Variants in EGFLAM observed in about 807,000 individuals in gnomAD.
The protein encoded by EGFLAM is pikachurin.
EGFLAM carries 79 observed loss-of-function variants against 113.1 expected under a neutral mutation model. The ratio of observed to expected loss-of-function variants is 0.70; its 90% CI spans 0.58 to 0.84. EGFLAM has a LOEUF of 0.84. Ranked by LOEUF, EGFLAM falls within the 40% of genes least tolerant of loss-of-function variation. The pLI is 0.00. For missense variants in EGFLAM, 1,265 were observed against 1,291.6 expected (o/e 0.98, Z 0.32); for synonymous variants, 504 against 487.6 (o/e 1.03, Z -0.44).
chr5:38,259,561 C>T (rs181587124), intron 1 of EGFLAM, among the ~76,000 whole-genome samples: 2 of 152,306 alleles, frequency 1.3e-5, no homozygotes, highest in African/African-American at 2.4e-5. Context: ...TTTTGGTCTA[C>T]TTTGATTTGG....
In EGFLAM at chr5:38,438,336, A is replaced by G; in HGVS notation, c.2345A>G (p.Glu782Gly). The G allele has an allele frequency of 2.5e-6, 4 of 1,614,116 alleles. No homozygotes were observed. The South Asian group carries it at 3.3e-5, about 13-fold the overall frequency. The change falls in exon 17 of 22, where the codon GAG becomes GGG. Residue 782 changes from glutamate to glycine, a missense_variant. Glu to Gly is a moderately conservative substitution (Grantham distance 98). Transcript: ENST00000322350. The part of the protein sequence containing the change: ...KHDFTSGVNV[E>G]NAAHPCVRAP... Reference sequence around the variant, plus strand: ...GACTTCACCTCCGGAGTGAATGTGGAGAATGCGGCCCACCCCTGTGTGAGA... The same window carrying G: ...GACTTCACCTCCGGAGTGAATGTGGGGAATGCGGCCCACCCCTGTGTGAGA...
At chr5:38,432,781 C>T (rs1742227232) in intron 15 of EGFLAM, among the ~76,000 whole-genome samples, 1 of 152,190 alleles carries the variant, frequency 6.6e-6, no homozygotes, top group Admixed American at 6.5e-5. Context: ...AAATAAGTTA[C>T]TCTTCAGGAC....
At chr5:38,357,655 A>T (rs1337238261) in intron 5 of EGFLAM, among the ~76,000 whole-genome samples, 10 of 152,258 alleles carry the variant, frequency 6.6e-5, no homozygotes, top group Non-Finnish European at 1.5e-5. Context: ...AAGGCTAGGA[A>T]ATTGTAGAAA....
intron 1 of EGFLAM, among the ~76,000 whole-genome samples, chr5:38,299,080 A>G (rs1030365699): frequency 6.6e-6 from 1 of 152,222 alleles, no homozygotes; most frequent in African/African-American, 2.4e-5. Context: ...AGATAAGGAA[A>G]TGACCCCTGG....
intron 5 of EGFLAM, among the ~76,000 whole-genome samples, chr5:38,358,747 T>TC (rs1012324039): frequency 2.0e-5 from 3 of 151,920 alleles, no homozygotes; most frequent in African/African-American, 7.3e-5. Flanking sequence ...ATCTTCATGA[T>TC]CCCCCCCAAA....
Position 38,427,207 on chromosome 5 carries a change from A to G in EGFLAM, c.2009A>G (p.His670Arg). ...DFLSINLAGG[H>R]VEFRFDCGSG... ...CTGTCCATCAACTTGGCAGGGGGCC[A>G]CGTGGAGTTCCGCTTTGACTGTGGC... The change falls in exon 14 of 22, where the codon CAC (histidine) becomes CGC (arginine). Residue 670 changes from histidine (H) to arginine (R), a missense_variant. His to Arg is a conservative substitution (Grantham distance 29). Transcript: ENST00000322350. The G allele has an allele frequency of 6.2e-7, 1 of 1,614,172 alleles. No individual in the cohort carries two copies. The highest frequency in any genetic ancestry group is 8.5e-7 in the Non-Finnish European group (1 of 1,180,022).
chr5:38,370,446 C>T lies in EGFLAM; in HGVS notation c.696C>T (p.Asp232=), dbSNP rs1394746547. 3 of 1,614,002 alleles carry T rather than the reference C, an allele frequency of 1.9e-6. No homozygotes were observed. Among genetic ancestry groups the T allele is most frequent in the Non-Finnish European group, 1.7e-6 (2 of 1,180,008 alleles). Residue 232 remains aspartate (D), a synonymous_variant, in exon 6 of 22, where the codon GAC becomes GAT. Coordinates refer to ENST00000322350, the MANE Select transcript of EGFLAM (RefSeq NM_152403.4). ...HGPSPRSWPS[D]IIRTLCPEEA... ...CCAGCCCCCGCAGCTGGCCCAGTGACATCATCCGGACCCTCTGTGAGTACC... is the reference window on the plus strand; with the variant it reads ...CCAGCCCCCGCAGCTGGCCCAGTGATATCATCCGGACCCTCTGTGAGTACC...
At chr5:38,288,893 T>C (rs1324095837) in intron 1 of EGFLAM, among the ~76,000 whole-genome samples, 1 of 151,990 alleles carries the variant, frequency 6.6e-6, no homozygotes, top group African/African-American at 2.4e-5. Context: ...CACTGTGTTA[T>C]AAGGTAGAAG....
chr5:38,380,035 G>A (rs1740469468), intron 6 of EGFLAM, among the ~76,000 whole-genome samples: 1 of 152,148 alleles, frequency 6.6e-6, no homozygotes, highest in African/African-American at 2.4e-5. Flanking sequence ...AATTATACAT[G>A]GCTGTATTCC....
At chr5:38,337,996 T>A (rs981175866) in intron 2 of EGFLAM, among the ~76,000 whole-genome samples, 2 of 152,170 alleles carry the variant, frequency 1.3e-5, no homozygotes, top group South Asian at 4.1e-4. Flanking sequence ...TAATGTAAAG[T>A]AAGAAGGTGG....
At chr5:38,259,080 A>G (rs1757433578) in intron 1 of EGFLAM, among the ~76,000 whole-genome samples, 1 of 152,344 alleles carries the variant, frequency 6.6e-6, no homozygotes, top group Middle Eastern at 3.4e-3. Flanking sequence ...TTCCAGACAT[A>G]GTAGATAGAG....
At chr5:38,315,390 G>C (rs1460680145) in intron 1 of EGFLAM, among the ~76,000 whole-genome samples, 2 of 152,122 alleles carry the variant, frequency 1.3e-5, no homozygotes, top group Non-Finnish European at 2.9e-5. Context: ...AGTCCTGATA[G>C]GCACCATCCA....
At chr5:38,294,033 A>G (rs1406315564) in intron 1 of EGFLAM, among the ~76,000 whole-genome samples, 4 of 152,184 alleles carry the variant, frequency 2.6e-5, no homozygotes, top group African/African-American at 9.7e-5. Context: ...CCAAAACTCA[A>G]TGATTTGTAA....
chr5:38,259,093 G>A (rs1436043818), intron 1 of EGFLAM, among the ~76,000 whole-genome samples: 2 of 152,254 alleles, frequency 1.3e-5, no homozygotes, highest in Non-Finnish European at 1.5e-5. Context: ...AGATAGAGGT[G>A]GTGGTCCCCG....
At chr5:38,327,696 A>G (rs966404105) in intron 1 of EGFLAM, among the ~76,000 whole-genome samples, 1 of 152,122 alleles carries the variant, frequency 6.6e-6, no homozygotes. Context: ...CCTTATACCA[A>G]TTTCTCCTCA....
chr5:38,435,941 C>T (rs1312951697), intron 16 of EGFLAM, among the ~76,000 whole-genome samples: 3 of 151,614 alleles, frequency 2.0e-5, no homozygotes, highest in Non-Finnish European at 4.4e-5. Flanking sequence ...CCTTAGCCTC[C>T]CGAATAGCTG....
chr5:38,281,629 C>T lies in EGFLAM; in HGVS notation c.97+22778C>T, dbSNP rs115729523. 8.7e-3 allele frequency among the ~76,000 whole-genome samples: 1,327 copies of T among 152,148 alleles called. 24 individuals are homozygous for T. The highest frequency in any genetic ancestry group is 0.028 in the African/African-American group (1,155 of 41,504). On this transcript the variant is annotated intron_variant, in intron 1 of 21. Coordinates refer to ENST00000322350, the MANE Select transcript of EGFLAM (RefSeq NM_152403.4). The stretch of plus-strand genomic sequence containing the variant: ...CCATATGTCTTTTGTGGAAGTGGCA[C>T]GGGGAAATTGAGTATGACATTTGGA...
chr5:38,426,155 T>C (rs541303714), intron 13 of EGFLAM, among the ~76,000 whole-genome samples: 2 of 151,848 alleles, frequency 1.3e-5, no homozygotes, highest in African/African-American at 4.8e-5. Flanking sequence ...AACAATGTGA[T>C]GGGACAAAAG....
chr5:38,301,932 C>T (rs1419089038), intron 1 of EGFLAM, among the ~76,000 whole-genome samples: 3 of 152,084 alleles, frequency 2.0e-5, no homozygotes, highest in African/African-American at 7.2e-5. Context: ...AAAGGTCCTG[C>T]TTAATCTTGT....
Sources: allele counts gnomAD v4.1 joint callset (sites outside exome capture counted in the v4.1 genomes callset), GRCh38; gene constraint gnomAD v4.1.1; transcripts MANE v1.5; gene names NCBI Gene and HGNC (gene_info 2026-07-23, HGNC 2026-07-21).